Variants in DMGDH observed in about 807,000 individuals in gnomAD.
DMGDH encodes the protein dimethylglycine dehydrogenase, mitochondrial.
In DMGDH, 76 loss-of-function variants were observed where a neutral mutation model predicts 95.2. The ratio of observed to expected loss-of-function variants is 0.80; its 90% CI spans 0.66 to 0.97. The LOEUF (loss-of-function observed/expected upper bound fraction) is 0.97, where lower values mean the gene tolerates loss of function less well. Among genes scored for constraint, DMGDH ranks in the 50% least tolerant of loss-of-function variants. The probability of loss-of-function intolerance (pLI) is 0.00; values close to 1 mark genes in which losing one functional copy is unlikely to be tolerated. For missense variants in DMGDH, 987 were observed against 1,055.0 expected, an observed-to-expected ratio of 0.94 and a Z score of 0.89; for synonymous variants, 345 against 377.6, an observed-to-expected ratio of 0.91 and a Z score of 1.00.
chr5:79,015,933 C>T, intron 14 of DMGDH, among the ~76,000 whole-genome samples: 1 of 152,110 alleles, frequency 6.6e-6, no homozygotes, highest in East Asian at 1.9e-4. Flanking sequence ...TGCTAAAAAT[C>T]CAGTATCTAT....
intron 14 of DMGDH, 27 bp downstream of exon 14, chr5:79,024,243 TC>T (rs763467221): frequency 6.2e-7 from 1 of 1,601,554 alleles, no homozygotes; most frequent in Non-Finnish European, 8.6e-7. Context: ...AAGATTTACT[TC>T]AAGCACACTT....
chr5:79,024,745 A>G (rs1753952635), intron 13 of DMGDH, among the ~76,000 whole-genome samples: 1 of 152,030 alleles, frequency 6.6e-6, no homozygotes, highest in African/African-American at 2.4e-5. Context: ...GGGAAAGCAG[A>G]TAGTAGGAAG....
intron 4 of DMGDH, 31 bp from the exon 5 acceptor site, chr5:79,051,522 AAT>A (rs1170816111): frequency 1.9e-6 from 3 of 1,561,396 alleles, no homozygotes; most frequent in African/African-American, 2.7e-5. Context: ...TCAATACTCA[AAT>A]ATATATATAC....
intron 14 of DMGDH, among the ~76,000 whole-genome samples, chr5:79,010,209 T>C (rs1301252821): frequency 2.0e-5 from 3 of 152,330 alleles, no homozygotes; most frequent in East Asian, 1.9e-4. Context: ...AAAGGAACCA[T>C]ATTACCTAAA....
At chr5:79,039,467 AAAC>A (rs1561220762) in intron 7 of DMGDH, among the ~76,000 whole-genome samples, 1 of 152,160 alleles carries the variant, frequency 6.6e-6, no homozygotes, top group Non-Finnish European at 1.5e-5. Flanking sequence ...ACAAAAAACC[AAAC>A]ACCACATATT....
At chr5:79,039,892 G>T (rs1187681087) in intron 7 of DMGDH, among the ~76,000 whole-genome samples, 2 of 152,162 alleles carry the variant, frequency 1.3e-5, no homozygotes, top group East Asian at 3.8e-4. Context: ...TGAACACAGT[G>T]ATGGGCTAGG....
chr5:79,021,226 C>T, intron 14 of DMGDH: 1 of 1,009,772 alleles, frequency 9.9e-7, no homozygotes, highest in Non-Finnish European at 1.2e-6. Context: ...GCTGGAGAGC[C>T]CTCCACTTGC....
chr5:79,027,590 G>A (rs533397501), intron 12 of DMGDH, among the ~76,000 whole-genome samples: 1 of 152,266 alleles, frequency 6.6e-6, no homozygotes, highest in Admixed American at 6.5e-5. Context: ...GCACCACTGG[G>A]GAACTGAAGA....
At chr5:79,008,568 G>T (rs1753588397) in intron 14 of DMGDH, among the ~76,000 whole-genome samples, 1 of 152,128 alleles carries the variant, frequency 6.6e-6, no homozygotes, top group Non-Finnish European at 1.5e-5. Context: ...GTGGAAGCTG[G>T]CCATGACCAG....
chr5:79,028,751 G>A, intron 11 of DMGDH, 101 bp from the exon 12 acceptor site: 3 of 1,306,518 alleles, frequency 2.3e-6, no homozygotes, highest in Admixed American at 1.7e-5. Context: ...AGAGTTATCA[G>A]AAAGTCCCCA....
intron 5 of DMGDH, among the ~76,000 whole-genome samples, chr5:79,049,513 T>G (rs1307934004): frequency 6.6e-6 from 1 of 152,224 alleles, no homozygotes; most frequent in Admixed American, 6.5e-5. Flanking sequence ...TGTGGAAGTC[T>G]CAGTATGTTA....
intron 2 of DMGDH, among the ~76,000 whole-genome samples, chr5:79,062,951 G>A (rs1198005735): frequency 1.3e-5 from 2 of 152,082 alleles, no homozygotes; most frequent in African/African-American, 4.8e-5. Flanking sequence ...AATTAGCTGG[G>A]TGTGGTGGTG....
chr5:79,048,278 C>T (rs1204313880), intron 5 of DMGDH, among the ~76,000 whole-genome samples: 1 of 152,126 alleles, frequency 6.6e-6, no homozygotes, highest in Admixed American at 6.6e-5. Context: ...GTAACTTACC[C>T]AAGTCACTCA....
chr5:79,059,540 C>T (rs1184134543), intron 2 of DMGDH, among the ~76,000 whole-genome samples: 3 of 152,184 alleles, frequency 2.0e-5, no homozygotes, highest in African/African-American at 7.2e-5. Flanking sequence ...TAAATGGGAA[C>T]AAATCCTGTT....
chr5:79,012,869 A>T (rs1042266669), intron 14 of DMGDH, among the ~76,000 whole-genome samples: 2 of 152,120 alleles, frequency 1.3e-5, no homozygotes, highest in Non-Finnish European at 2.9e-5. Context: ...CCCACAAAAC[A>T]TTCATTCCTC....
intron 1 of DMGDH, among the ~76,000 whole-genome samples, chr5:79,065,580 A>G (rs1461569224): frequency 2.6e-5 from 4 of 152,180 alleles, no homozygotes; most frequent in South Asian, 4.1e-4. Context: ...GTCTGAGCCA[A>G]TTTTACTGTT....
At position 79,042,146 on chromosome 5, in the gene DMGDH, C is replaced by T. The variant is rs1324703521; in HGVS notation, c.1193+137G>A. 39 of 826,782 alleles carry T rather than the reference C, an allele frequency of 4.7e-5. 1 individual carries two copies. In the Admixed American group the frequency reaches 8.4e-4, roughly 18 times the overall value. 51.2% of individuals were successfully genotyped at this position (826,782 alleles called of 1,614,324 possible). The stretch of plus-strand genomic sequence containing the variant: ...CCTTGGTCATGAAAGGGAGAAAACT[C>T]TCTGGGTCTCTCTCTGTTTCTCTTT... On this transcript the variant is annotated intron_variant, in intron 7 of 15. Coordinates refer to ENST00000255189, the MANE Select transcript of DMGDH (RefSeq NM_013391.3).
At position 79,038,559 on chromosome 5, in the gene DMGDH, A is replaced by T. The variant is rs541765240; in HGVS notation, c.1193+3724T>A. On this transcript the variant is annotated intron_variant, in intron 7 of 15. Transcript: ENST00000255189. ...AAGGAACAGAATTGAGAGTCTAGAA[A>T]TCAACCCATACATCTATGGTCAATT... Among the ~76,000 whole-genome samples, 4 of 152,336 alleles carry T rather than the reference A, an allele frequency of 2.6e-5. No homozygotes were observed. The South Asian group carries it at 8.3e-4, about 32-fold the overall frequency.
intron 7 of DMGDH, among the ~76,000 whole-genome samples, chr5:79,035,828 A>C (rs1192681869): frequency 6.6e-6 from 1 of 152,232 alleles, no homozygotes; most frequent in African/African-American, 2.4e-5. Context: ...CAAGCTTTAC[A>C]TAAAATTCCA....
Sources: gnomAD v4.1 joint callset for allele counts (sites outside exome capture counted in the v4.1 genomes callset) on GRCh38, gnomAD v4.1.1 for gene constraint, MANE v1.5 for transcripts, NCBI Gene and HGNC (gene_info 2026-07-23, HGNC 2026-07-21) for gene names.